The following PPARGC1A variants were observed in gnomAD, a reference collection of about 807,000 sequenced individuals.
PPARGC1A encodes PPARG coactivator 1 alpha, also known as peroxisome proliferator-activated receptor gamma coactivator 1-alpha.
A neutral mutation model predicts 88.7 loss-of-function variants in PPARGC1A; 25 were observed. The ratio of observed to expected loss-of-function variants is 0.28; its 90% CI spans 0.21 to 0.39. The LOEUF (loss-of-function observed/expected upper bound fraction) is 0.39. Ranked by LOEUF, PPARGC1A falls within the 10% of genes least tolerant of loss-of-function variation. The pLI, the probability that PPARGC1A is intolerant of heterozygous loss-of-function variation, is 1.00. For synonymous variants in PPARGC1A, 363 were observed against 355.6 expected (o/e 1.02, Z -0.24); for missense variants, 880 against 968.7 (o/e 0.91, Z 1.22).
chr4:23,933,917 T>C, the PPARGC1A span, among the ~76,000 whole-genome samples: 1 of 152,276 alleles, frequency 6.6e-6, no homozygotes, highest in East Asian at 1.9e-4. Flanking sequence ...GTGTAATGTG[T>C]CCTGTGTGTC....
intron 2 of PPARGC1A, among the ~76,000 whole-genome samples, chr4:23,844,842 T>TATATATTATAATAATATATGAC (rs1560429715): frequency 1.6e-5 from 2 of 122,582 alleles, no homozygotes; most frequent in South Asian, 2.3e-4. Flanking sequence ...TAATATATGA[T>TATATATTATAATAATATATGAC]ATATATTATT....
chr4:23,798,984 A>C (rs181935601), intron 12 of PPARGC1A, among the ~76,000 whole-genome samples: 113 of 152,336 alleles, frequency 7.4e-4, no homozygotes, highest in African/African-American at 2.5e-3. Flanking sequence ...AAGCTAACTT[A>C]ATTTGGGGGA....
chr4:23,809,299 T>TA (rs1176438570), intron 10 of PPARGC1A, among the ~76,000 whole-genome samples: 1 of 152,008 alleles, frequency 6.6e-6, no homozygotes, highest in Non-Finnish European at 1.5e-5. Context: ...AGGGAATCAA[T>TA]AAAAAAAATT....
At chr4:24,196,462 A>G in the PPARGC1A span, among the ~76,000 whole-genome samples, 1 of 152,266 alleles carries the variant, frequency 6.6e-6, no homozygotes, top group South Asian at 2.1e-4. Context: ...ACCGTAATGC[A>G]GATGGTAGTA....
At chr4:23,809,524 T>G (rs902927027) in intron 10 of PPARGC1A, among the ~76,000 whole-genome samples, 1 of 152,148 alleles carries the variant, frequency 6.6e-6, no homozygotes, top group African/African-American at 2.4e-5. Context: ...ATAGCCGCTG[T>G]CTAAAAAAGC....
the PPARGC1A span, among the ~76,000 whole-genome samples, chr4:24,162,666 T>A: frequency 0.44 from 66,017 of 150,348 alleles, 17,140 homozygotes; most frequent in African/African-American, 0.73. Context: ...ATCTCAGCTC[T>A]CTGCAACCTC....
At chr4:23,998,630 T>G in the PPARGC1A span, among the ~76,000 whole-genome samples, 1 of 152,200 alleles carries the variant, frequency 6.6e-6, no homozygotes, top group Non-Finnish European at 1.5e-5. Flanking sequence ...GACAACAATT[T>G]TGGAAGAGTC....
At chr4:24,153,037 C>T in the PPARGC1A span, among the ~76,000 whole-genome samples, 1 of 152,276 alleles carries the variant, frequency 6.6e-6, no homozygotes, top group Admixed American at 6.5e-5. Context: ...TGGACAGGAG[C>T]TATTGTTAGC....
chr4:24,225,972 A>G, the PPARGC1A span, among the ~76,000 whole-genome samples: 1 of 143,498 alleles, frequency 7.0e-6, no homozygotes, highest in Admixed American at 7.3e-5. Flanking sequence ...TAATAAGGAA[A>G]CAAAAGACAG....
At chr4:24,084,899 T>C in the PPARGC1A span, among the ~76,000 whole-genome samples, 11 of 152,208 alleles carry the variant, frequency 7.2e-5, no homozygotes, top group Non-Finnish European at 1.3e-4. Context: ...AGTTCTTCTA[T>C]GGCGTCTGTG....
intron 7 of PPARGC1A, among the ~76,000 whole-genome samples, chr4:23,818,881 A>ATTTTTTTTTTTTTTTTTTTTTTTTTTT (rs1240536646): frequency 1.4e-5 from 1 of 72,538 alleles, no homozygotes; most frequent in Non-Finnish European, 2.6e-5. Flanking sequence ...AGTTTATAAC[A>ATTTTTTTTTTTTTTTTTTTTTTTTTTT]TTTTGCAGAA....
the PPARGC1A span, among the ~76,000 whole-genome samples, chr4:24,122,383 GTA>G: frequency 0.16 from 20,626 of 125,158 alleles, 1,750 homozygotes; most frequent in South Asian, 0.26. Flanking sequence ...GTGTGTATGC[GTA>G]TGTGTGTGTG....
At chr4:24,143,053 A>G in the PPARGC1A span, among the ~76,000 whole-genome samples, 2 of 152,328 alleles carry the variant, frequency 1.3e-5, no homozygotes, top group African/African-American at 4.8e-5. Flanking sequence ...CATTATCAGC[A>G]TGCAGTGAAA....
At chr4:24,028,672 T>G in the PPARGC1A span, among the ~76,000 whole-genome samples, 3 of 152,180 alleles carry the variant, frequency 2.0e-5, no homozygotes, top group Admixed American at 6.5e-5. Flanking sequence ...GAAAGTTATT[T>G]ATGGTGCTTC....
the PPARGC1A span, among the ~76,000 whole-genome samples, chr4:24,234,562 T>C: frequency 1.2e-3 from 178 of 152,288 alleles, 1 homozygote; most frequent in East Asian, 0.032. Context: ...TTAGAATAAG[T>C]GTCTCTGGAA....
At chr4:23,953,952 T>C in the PPARGC1A span, among the ~76,000 whole-genome samples, 2 of 152,064 alleles carry the variant, frequency 1.3e-5, no homozygotes, top group Non-Finnish European at 2.9e-5. Context: ...TACTGTCTAC[T>C]AGAAAATATT....
At chr4:24,450,166 G>A in the PPARGC1A span, among the ~76,000 whole-genome samples, 3 of 152,130 alleles carry the variant, frequency 2.0e-5, no homozygotes, top group South Asian at 4.1e-4. Flanking sequence ...GGACATTATC[G>A]TTCCCCAAAA....
the PPARGC1A span, among the ~76,000 whole-genome samples, chr4:24,236,202 G>A: frequency 1.3e-5 from 2 of 152,146 alleles, no homozygotes; most frequent in Admixed American, 6.5e-5. Context: ...CTTTCGGGTC[G>A]TATCATGAGC....
chr4:23,994,027 G>T, the PPARGC1A span, among the ~76,000 whole-genome samples: 1 of 152,132 alleles, frequency 6.6e-6, no homozygotes, highest in Admixed American at 6.6e-5. Flanking sequence ...AGAAAGAATA[G>T]AAGTTTCTAG....
Sources: gnomAD v4.1 joint callset for allele counts (sites outside exome capture counted in the v4.1 genomes callset) on GRCh38, gnomAD v4.1.1 for gene constraint, MANE v1.5 for transcripts, NCBI Gene and HGNC (gene_info 2026-07-23, HGNC 2026-07-21) for gene names.